The following SPAG16 variants were observed in gnomAD, a reference collection of about 807,000 sequenced individuals.
The protein encoded by SPAG16 is sperm-associated antigen 16 protein.
Under a neutral mutation model 80.4 loss-of-function variants are expected in SPAG16, and 86 were observed. The observed-to-expected ratio is 1.07, with a 90% CI of 0.90 to 1.28. The LOEUF (loss-of-function observed/expected upper bound fraction) is 1.28. SPAG16 is among the 50% of genes most tolerant of loss of function. SPAG16 has a pLI of 0.00. For synonymous variants in SPAG16, 294 were observed against 265.9 expected, an observed-to-expected ratio of 1.11 and a Z score of -1.03; for missense variants, 870 against 765.3, an observed-to-expected ratio of 1.14 and a Z score of -1.61.
chr2:214,035,859 A>T (rs2048669318), intron 13 of SPAG16, among the ~76,000 whole-genome samples: 1 of 152,116 alleles, frequency 6.6e-6, no homozygotes, highest in Non-Finnish European at 1.5e-5. Flanking sequence ...TCAGAAGGGG[A>T]TGGCACTTCT....
chr2:213,308,228 A>G (rs910818155), intron 3 of SPAG16, among the ~76,000 whole-genome samples: 4 of 152,182 alleles, frequency 2.6e-5, no homozygotes, highest in African/African-American at 9.6e-5. Flanking sequence ...TTAAAAAACT[A>G]CCAATTATTT....
intron 15 of SPAG16, among the ~76,000 whole-genome samples, chr2:214,294,770 G>A (rs1576703704): frequency 6.6e-6 from 1 of 152,290 alleles, no homozygotes; most frequent in South Asian, 2.1e-4. Flanking sequence ...GTTTATAGGT[G>A]TCTTCCCCAA....
In SPAG16 at chr2:213,954,868, G is replaced by T. The variant is rs542081212; in HGVS notation, c.1400+24723G>T. 3.3e-5 allele frequency among the ~76,000 whole-genome samples: 5 copies of T among 152,232 alleles called. No individual in the cohort carries two copies. The South Asian group carries it at 1.0e-3, about 32-fold the overall frequency. ...TTATTATAGCTGTCTTAGTAGCTGT[G>T]AAGTCATAAAACATTGTGATTTTAA... On this transcript the variant is annotated intron_variant, in intron 12 of 15. Coordinates refer to ENST00000331683, the MANE Select transcript of SPAG16 (RefSeq NM_024532.5).
At chr2:213,894,504 T>G (rs1218749416) in intron 11 of SPAG16, among the ~76,000 whole-genome samples, 1 of 152,078 alleles carries the variant, frequency 6.6e-6, no homozygotes, top group African/African-American at 2.4e-5. Flanking sequence ...GGGGGAAAAT[T>G]GAAGACCTTT....
chr2:214,061,320 C>G (rs1013935694), intron 13 of SPAG16, among the ~76,000 whole-genome samples: 1 of 152,104 alleles, frequency 6.6e-6, no homozygotes. Flanking sequence ...ATCCACAGGG[C>G]ACTAGGTTAG....
intron 9 of SPAG16, among the ~76,000 whole-genome samples, chr2:213,404,597 TA>T (rs1210295573): frequency 3.3e-5 from 5 of 152,094 alleles, no homozygotes; most frequent in Non-Finnish European, 7.4e-5. Context: ...CCTAAAACCA[TA>T]AAAACCCTAG....
intron 14 of SPAG16, among the ~76,000 whole-genome samples, chr2:214,148,405 C>T (rs991239319): frequency 1.3e-5 from 2 of 152,168 alleles, no homozygotes; most frequent in African/African-American, 2.4e-5. Flanking sequence ...ATTGCCATGT[C>T]ACTTGAATCC....
chr2:213,706,742 C>T (rs1006128408), intron 10 of SPAG16, among the ~76,000 whole-genome samples: 4 of 151,984 alleles, frequency 2.6e-5, no homozygotes, highest in African/African-American at 9.7e-5. Flanking sequence ...GTTTTTTTTC[C>T]TCACAGTTTC....
At chr2:213,331,882 A>G (rs1027159581) in intron 5 of SPAG16, among the ~76,000 whole-genome samples, 1 of 152,184 alleles carries the variant, frequency 6.6e-6, no homozygotes, top group Non-Finnish European at 1.5e-5. Flanking sequence ...CAGTGAAAGC[A>G]GTACTAAGAG....
chr2:214,376,054 G>A (rs1420813618), intron 15 of SPAG16, among the ~76,000 whole-genome samples: 1 of 151,560 alleles, frequency 6.6e-6, no homozygotes, highest in African/African-American at 2.4e-5. Flanking sequence ...GTAGCATATG[G>A]GTGATTTTTG....
chr2:213,368,054 C>T (rs1160970427), intron 8 of SPAG16, among the ~76,000 whole-genome samples: 2 of 150,660 alleles, frequency 1.3e-5, no homozygotes, highest in Admixed American at 6.6e-5. Flanking sequence ...AATCCTTTCC[C>T]CATTGCTTGT....
At chr2:213,713,119 A>G (rs1438249113) in intron 10 of SPAG16, among the ~76,000 whole-genome samples, 1 of 152,148 alleles carries the variant, frequency 6.6e-6, no homozygotes, top group Non-Finnish European at 1.5e-5. Context: ...CTACCATGAG[A>G]ACAGCATGGG....
intron 15 of SPAG16, among the ~76,000 whole-genome samples, chr2:214,259,473 C>CTTTTTT (rs5838423): frequency 2.2e-5 from 2 of 91,254 alleles, no homozygotes; most frequent in Non-Finnish European, 4.2e-5. Flanking sequence ...ACACGTATAG[C>CTTTTTT]TTTTTTTTTT....
chr2:213,306,808 C>G (rs2062959471), intron 3 of SPAG16, among the ~76,000 whole-genome samples: 1 of 152,120 alleles, frequency 6.6e-6, no homozygotes, highest in Non-Finnish European at 1.5e-5. Flanking sequence ...CTCCATGCCA[C>G]TTGGCCACTG....
intron 15 of SPAG16, among the ~76,000 whole-genome samples, chr2:214,330,188 A>C (rs1696811678): frequency 6.6e-6 from 1 of 151,496 alleles, no homozygotes; most frequent in Admixed American, 6.6e-5. Flanking sequence ...GAGGCAGGAG[A>C]ATAGCTTGAA....
chr2:213,320,358 A>G (rs2063564571), intron 5 of SPAG16, among the ~76,000 whole-genome samples: 2 of 152,136 alleles, frequency 1.3e-5, no homozygotes, highest in African/African-American at 4.8e-5. Context: ...TAATCAAATC[A>G]GAGTATTTAG....
At position 213,503,667 on chromosome 2, in the gene SPAG16, C is replaced by G. The variant is rs191061995; in HGVS notation, c.1070+13577C>G. 7.9e-5 allele frequency among the ~76,000 whole-genome samples: 12 copies of G among 152,270 alleles called. No homozygotes were observed. In the East Asian group the frequency reaches 2.3e-3, roughly 29 times the overall value. On this transcript the variant is annotated intron_variant, in intron 10 of 15. Coordinates refer to ENST00000331683, the MANE Select transcript of SPAG16 (RefSeq NM_024532.5). ...TTCTTTGGAGGAAATTTTCCCTTAG[C>G]TTAGCACTATCCTTAAAAATAAATC...
At chr2:213,793,640 A>G (rs915472497) in intron 10 of SPAG16, among the ~76,000 whole-genome samples, 12 of 152,200 alleles carry the variant, frequency 7.9e-5, no homozygotes, top group African/African-American at 2.7e-4. Context: ...ACCTACATCT[A>G]TTGTAAGCAC....
intron 13 of SPAG16, among the ~76,000 whole-genome samples, chr2:214,096,113 C>T (rs1319825879): frequency 6.6e-6 from 1 of 151,606 alleles, no homozygotes; most frequent in Non-Finnish European, 1.5e-5. Context: ...CATTCTTATT[C>T]CCTTTGGCTT....
Sources: allele counts gnomAD v4.1 joint callset (sites outside exome capture counted in the v4.1 genomes callset), GRCh38; gene constraint gnomAD v4.1.1; transcripts MANE v1.5; gene names NCBI Gene and HGNC (gene_info 2026-07-23, HGNC 2026-07-21).